Variants in ROBO2 observed in about 807,000 individuals in gnomAD.
ROBO2 encodes the protein roundabout guidance receptor 2.
In ROBO2, 53 loss-of-function variants were observed where a neutral mutation model predicts 160.8. The ratio of observed to expected loss-of-function variants is 0.33; its 90% CI spans 0.26 to 0.41. The LOEUF (loss-of-function observed/expected upper bound fraction) is 0.41. ROBO2 is among the 10% of genes least tolerant of loss of function. The pLI is 1.00. For synonymous variants in ROBO2, 664 were observed against 611.7 expected, an observed-to-expected ratio of 1.09 and a Z score of -1.26; for missense variants, 1,577 against 1,722.4, an observed-to-expected ratio of 0.92 and a Z score of 1.49.
At chr3:76,105,185 G>GAA (rs1202379182) in intron 2 of ROBO2, among the ~76,000 whole-genome samples, 9 of 141,574 alleles carry the variant, frequency 6.4e-5, no homozygotes, top group African/African-American at 2.3e-4. Flanking sequence ...CCTGTACTTA[G>GAA]AAAAAAAAAA....
intron 2 of ROBO2, among the ~76,000 whole-genome samples, chr3:76,790,877 C>T (rs1260643784): frequency 6.6e-6 from 1 of 151,712 alleles, no homozygotes; most frequent in Non-Finnish European, 1.5e-5. Context: ...CTATCACTTA[C>T]TACTTGTGTG....
At chr3:76,117,052 G>A (rs924567505) in intron 2 of ROBO2, among the ~76,000 whole-genome samples, 1 of 152,152 alleles carries the variant, frequency 6.6e-6, no homozygotes, top group Non-Finnish European at 1.5e-5. Context: ...TCATCATAAA[G>A]TTTGATAATA....
At chr3:77,367,402 G>T (rs1277398514) in intron 2 of ROBO2, among the ~76,000 whole-genome samples, 2 of 150,502 alleles carry the variant, frequency 1.3e-5, no homozygotes, top group East Asian at 3.9e-4. Context: ...CCCAACCCCC[G>T]ACCCAGTAGT....
chr3:77,319,128 A>T (rs1260804867), intron 2 of ROBO2, among the ~76,000 whole-genome samples: 2 of 152,190 alleles, frequency 1.3e-5, no homozygotes, highest in African/African-American at 4.8e-5. Context: ...CATATTGACA[A>T]TATGGGCAAT....
intron 2 of ROBO2, among the ~76,000 whole-genome samples, chr3:76,903,449 G>A (rs1224321940): frequency 6.6e-6 from 1 of 152,038 alleles, no homozygotes; most frequent in Non-Finnish European, 1.5e-5. Flanking sequence ...ACTGTCAATT[G>A]TACAGGTTTG....
At chr3:77,551,611 A>G (rs1312932946) in intron 8 of ROBO2, among the ~76,000 whole-genome samples, 2 of 152,060 alleles carry the variant, frequency 1.3e-5, no homozygotes, top group Non-Finnish European at 2.9e-5. Context: ...ATTTGTCACA[A>G]TTGACAGCTA....
chr3:77,386,392 G>T (rs1298368410), intron 2 of ROBO2, among the ~76,000 whole-genome samples: 1 of 151,982 alleles, frequency 6.6e-6, no homozygotes, highest in Non-Finnish European at 1.5e-5. Context: ...AGCACACAGA[G>T]AATTTTCTTT....
chr3:76,039,738 G>C (rs2067224279), intron 2 of ROBO2, among the ~76,000 whole-genome samples: 1 of 151,948 alleles, frequency 6.6e-6, no homozygotes, highest in Non-Finnish European at 1.5e-5. Context: ...AACTTACCTT[G>C]TTGAGCCTCT....
At chr3:77,475,364 C>A (rs978715293) in intron 2 of ROBO2, among the ~76,000 whole-genome samples, 1 of 152,004 alleles carries the variant, frequency 6.6e-6, no homozygotes, top group African/African-American at 2.4e-5. Context: ...TTGAAGAGTA[C>A]CAGTCCTTAT....
At chr3:76,646,003 A>C (rs776001067) in intron 2 of ROBO2, among the ~76,000 whole-genome samples, 1 of 152,204 alleles carries the variant, frequency 6.6e-6, no homozygotes, top group Non-Finnish European at 1.5e-5. Flanking sequence ...GGCATAAAAA[A>C]GGTGAGTTGG....
Position 76,744,448 on chromosome 3 carries a change from C to T in ROBO2, c.110-353566C>T, listed in dbSNP as rs1419278105. Among the ~76,000 whole-genome samples the T allele has an allele frequency of 3.3e-5, 5 of 152,206 alleles. No homozygotes were observed. The East Asian group carries it at 5.8e-4, about 18-fold the overall frequency. On this transcript the variant is annotated intron_variant, in intron 2 of 26. Transcript: ENST00000487694. Reference sequence around the variant, plus strand: ...AATCATAGCTCACTACAGCCTCCACCTCCTGGGCCCCCATGATCCTCCCAC... The same window carrying T: ...AATCATAGCTCACTACAGCCTCCACTTCCTGGGCCCCCATGATCCTCCCAC...
At chr3:76,010,159 CT>C (rs2066153089) in intron 2 of ROBO2, among the ~76,000 whole-genome samples, 1 of 152,286 alleles carries the variant, frequency 6.6e-6, no homozygotes, top group East Asian at 1.9e-4. Flanking sequence ...GTGCCTGGGG[CT>C]TAGTCCAGAG....
At chr3:76,839,823 C>T (rs1324173163) in intron 2 of ROBO2, among the ~76,000 whole-genome samples, 1 of 152,172 alleles carries the variant, frequency 6.6e-6, no homozygotes, top group Non-Finnish European at 1.5e-5. Flanking sequence ...GAAGAGATTT[C>T]ATTATGGCTT....
intron 2 of ROBO2, among the ~76,000 whole-genome samples, chr3:76,264,397 C>T (rs1706966780): frequency 1.3e-5 from 2 of 151,632 alleles, no homozygotes; most frequent in Admixed American, 6.6e-5. Context: ...AACATCCATG[C>T]ACCTTTCCTC....
At chr3:76,552,088 C>T (rs2083456728) in intron 2 of ROBO2, among the ~76,000 whole-genome samples, 1 of 152,210 alleles carries the variant, frequency 6.6e-6, no homozygotes, top group African/African-American at 2.4e-5. Context: ...ACAATTGCAT[C>T]TGTCTTTTTC....
intron 1 of ROBO2, among the ~76,000 whole-genome samples, chr3:77,094,996 C>T (rs1246649911): frequency 6.6e-6 from 1 of 152,042 alleles, no homozygotes; most frequent in Non-Finnish European, 1.5e-5. Context: ...AGTATTCTTT[C>T]AAGCACAAGT....
chr3:77,421,755 T>C (rs2077733753), intron 2 of ROBO2, among the ~76,000 whole-genome samples: 1 of 152,002 alleles, frequency 6.6e-6, no homozygotes, highest in African/African-American at 2.4e-5. Context: ...TATAGAAAAA[T>C]AAAAATGGGT....
intron 2 of ROBO2, among the ~76,000 whole-genome samples, chr3:75,944,316 G>A (rs1230592320): frequency 6.6e-6 from 1 of 152,106 alleles, no homozygotes; most frequent in African/African-American, 2.4e-5. Context: ...GTGTGAGACT[G>A]GATGGCACAG....
chr3:76,323,083 A>G (rs2072700018), intron 2 of ROBO2, among the ~76,000 whole-genome samples: 1 of 151,782 alleles, frequency 6.6e-6, no homozygotes, highest in African/African-American at 2.4e-5. Context: ...TGGTCTTTCA[A>G]TAAATATTTT....
Sources: gnomAD v4.1 joint callset for allele counts (sites outside exome capture counted in the v4.1 genomes callset) on GRCh38, gnomAD v4.1.1 for gene constraint, MANE v1.5 for transcripts, NCBI Gene and HGNC (gene_info 2026-07-23, HGNC 2026-07-21) for gene names.